NDUFAF2: variants seen among roughly 807,000 people sequenced by gnomAD.
NDUFAF2 encodes the protein NADH dehydrogenase [ubiquinone] 1 alpha subcomplex assembly factor 2.
In NDUFAF2, 13 loss-of-function variants were observed where a neutral mutation model predicts 22.8. That is an observed-to-expected ratio of 0.57 (90% CI 0.37 to 0.91). The LOEUF (loss-of-function observed/expected upper bound fraction) is 0.91. Ranked by LOEUF, NDUFAF2 falls within the 40% of genes least tolerant of loss-of-function variation. NDUFAF2 has a pLI of 0.01. For synonymous variants in NDUFAF2, 53 were observed against 64.2 expected (o/e 0.83, Z 0.84); for missense variants, 162 against 195.2 (o/e 0.83, Z 1.01).
At chr5:60,948,941 A>G (rs1297715834) in intron 1 of NDUFAF2, among the ~76,000 whole-genome samples, 3 of 152,180 alleles carry the variant, frequency 2.0e-5, no homozygotes, top group African/African-American at 7.2e-5. Flanking sequence ...CTATATCCTT[A>G]TCAACACTTG....
intron 1 of NDUFAF2, among the ~76,000 whole-genome samples, chr5:61,063,314 A>T (rs1752188922): frequency 6.7e-6 from 1 of 150,156 alleles, no homozygotes; most frequent in Non-Finnish European, 1.5e-5. Context: ...CCTGGATAAT[A>T]TGGCAAGATC....
intron 3 of NDUFAF2, among the ~76,000 whole-genome samples, chr5:61,121,846 T>TC (rs1197519774): frequency 1.1e-4 from 17 of 151,432 alleles, no homozygotes; most frequent in African/African-American, 3.9e-4. Flanking sequence ...TTTTTCTTTT[T>TC]TTTTTTGACA....
intron 3 of NDUFAF2, among the ~76,000 whole-genome samples, chr5:61,104,031 A>G (rs899119337): frequency 1.8e-4 from 27 of 152,260 alleles, no homozygotes; most frequent in Admixed American, 1.6e-3. Context: ...AGCATGTTTA[A>G]GACAGGTTAG....
intron 1 of NDUFAF2, among the ~76,000 whole-genome samples, chr5:61,065,226 G>A (rs1752213904): frequency 6.6e-6 from 1 of 151,894 alleles, no homozygotes; most frequent in Non-Finnish European, 1.5e-5. Context: ...CCCCAACAAA[G>A]AAAAGCCAAA....
chr5:61,100,573 T>G (rs1177359394), intron 3 of NDUFAF2, among the ~76,000 whole-genome samples: 2 of 151,812 alleles, frequency 1.3e-5, no homozygotes, highest in Admixed American at 1.3e-4. Flanking sequence ...TTTTCCTTCC[T>G]CTTGGCCCTT....
chr5:61,001,285 T>C (rs955304882), intron 1 of NDUFAF2, among the ~76,000 whole-genome samples: 2 of 152,144 alleles, frequency 1.3e-5, no homozygotes, highest in African/African-American at 4.8e-5. Context: ...ATATTTGTCT[T>C]CTATATCTTT....
At chr5:60,950,404 C>G (rs186855923) in intron 1 of NDUFAF2, among the ~76,000 whole-genome samples, 1 of 151,968 alleles carries the variant, frequency 6.6e-6, no homozygotes, top group Non-Finnish European at 1.5e-5. Context: ...AGGCTGGTCT[C>G]GAACTCCTGA....
At chr5:60,970,193 C>T in intron 1 of NDUFAF2, among the ~76,000 whole-genome samples, 1 of 152,050 alleles carries the variant, frequency 6.6e-6, no homozygotes, top group East Asian at 1.9e-4. Context: ...CTTAGAATAG[C>T]TTTGGCTATT....
At chr5:61,019,464 AC>A (rs1751551240) in intron 1 of NDUFAF2, among the ~76,000 whole-genome samples, 1 of 151,652 alleles carries the variant, frequency 6.6e-6, no homozygotes, top group African/African-American at 2.4e-5. Flanking sequence ...CTAAACTACA[AC>A]TCTTTTTCTT....
chr5:60,986,034 C>T (rs913162952), intron 1 of NDUFAF2, among the ~76,000 whole-genome samples: 2 of 152,136 alleles, frequency 1.3e-5, no homozygotes, highest in Admixed American at 6.6e-5. Context: ...ACCCCATGTA[C>T]CATGCTGATG....
chr5:61,010,265 G>A (rs1164795782), intron 1 of NDUFAF2, among the ~76,000 whole-genome samples: 1 of 151,992 alleles, frequency 6.6e-6, no homozygotes, highest in Non-Finnish European at 1.5e-5. Flanking sequence ...CCATCCTTAG[G>A]ATCAAGTCTA....
At chr5:61,075,649 G>C (rs1246289158) in intron 2 of NDUFAF2, among the ~76,000 whole-genome samples, 1 of 151,948 alleles carries the variant, frequency 6.6e-6, no homozygotes, top group Non-Finnish European at 1.5e-5. Context: ...ATCTTTTTAT[G>C]GCTGTCCTGA....
chr5:61,034,193 G>C (rs572477270), intron 1 of NDUFAF2, among the ~76,000 whole-genome samples: 34 of 152,198 alleles, frequency 2.2e-4, no homozygotes, highest in Middle Eastern at 3.4e-3. Flanking sequence ...AAACAAATAT[G>C]GGCAATATAC....
intron 1 of NDUFAF2, among the ~76,000 whole-genome samples, chr5:60,948,547 T>C (rs1461132336): frequency 8.2e-6 from 1 of 122,682 alleles, no homozygotes. Context: ...CAGCACATAT[T>C]CTGCTTTTTT....
At chr5:61,087,713 C>T (rs1336863863) in intron 2 of NDUFAF2, among the ~76,000 whole-genome samples, 4 of 152,052 alleles carry the variant, frequency 2.6e-5, no homozygotes, top group Non-Finnish European at 2.9e-5. Context: ...CCGGAATTTT[C>T]CCAGCAGCTT....
chr5:60,983,035 A>G lies in NDUFAF2; in HGVS notation c.127+37653A>G, dbSNP rs559966115. Among the ~76,000 whole-genome samples, 21 of 151,368 alleles carry G rather than the reference A, an allele frequency of 1.4e-4. No homozygotes were observed. In the South Asian group the frequency reaches 3.6e-3, roughly 26 times the overall value. ...CCACCAACAGTGTAAAAGTGTTCCTATTTCTCCACATCCTCTCCAACACCT... is the reference window on the plus strand; with the variant it reads ...CCACCAACAGTGTAAAAGTGTTCCTGTTTCTCCACATCCTCTCCAACACCT... On this transcript the variant is annotated intron_variant, in intron 1 of 3. Transcript: ENST00000296597.
chr5:61,047,174 G>A (rs931335324), intron 1 of NDUFAF2, among the ~76,000 whole-genome samples: 3 of 151,944 alleles, frequency 2.0e-5, no homozygotes, highest in Admixed American at 1.3e-4. Flanking sequence ...TTCCCATCCC[G>A]AGAGTATTAA....
chr5:61,130,308 G>C lies in NDUFAF2; in HGVS notation c.259-22396G>C, dbSNP rs896124175. Among the ~76,000 whole-genome samples the C allele has an allele frequency of 2.0e-5, 3 of 152,022 alleles. No individual in the cohort carries two copies. The South Asian group carries it at 6.2e-4, about 32-fold the overall frequency. On this transcript the variant is annotated intron_variant, in intron 3 of 3. Transcript: ENST00000296597. ...CAGGGTACAAGTTCCCAACTTTTGG[G>C]GTGCTCTGGCATCACAAGACTCTTC... is the stretch of plus-strand genomic sequence containing the variant.
intron 3 of NDUFAF2, among the ~76,000 whole-genome samples, chr5:61,152,480 A>T (rs1312720060): frequency 6.6e-6 from 1 of 152,122 alleles, no homozygotes; most frequent in East Asian, 1.9e-4. Flanking sequence ...GGGGTGCTTC[A>T]TGTCTATTAT....
Sources: gnomAD v4.1 joint callset for allele counts (sites outside exome capture counted in the v4.1 genomes callset) on GRCh38, gnomAD v4.1.1 for gene constraint, MANE v1.5 for transcripts, NCBI Gene and HGNC (gene_info 2026-07-23, HGNC 2026-07-21) for gene names.